HMGB1: variants seen among roughly 807,000 people sequenced by gnomAD.
HMGB1 encodes the protein high mobility group protein B1.
For synonymous variants in HMGB1, 81 were observed against 84.0 expected (o/e 0.96, Z 0.19); for missense variants, 79 against 253.5 (o/e 0.31, Z 4.67).
At chr13:30,510,123 G>A (rs531688610) in intron 1 of HMGB1, among the ~76,000 whole-genome samples, 1 of 152,314 alleles carries the variant, frequency 6.6e-6, no homozygotes, top group Admixed American at 6.5e-5. Context: ...CTCCTGCTCA[G>A]GCCGGGCACC....
chr13:30,520,439 G>A (rs965405955), intron 1 of HMGB1, among the ~76,000 whole-genome samples: 6 of 152,008 alleles, frequency 3.9e-5, no homozygotes, highest in African/African-American at 1.5e-4. Flanking sequence ...GGCCAACATG[G>A]TGAAACCCTG....
intron 1 of HMGB1, among the ~76,000 whole-genome samples, chr13:30,605,863 T>C (rs1273727673): frequency 6.6e-6 from 1 of 152,232 alleles, no homozygotes; most frequent in Non-Finnish European, 1.5e-5. Context: ...TTTCCCTGTA[T>C]GTACTGTGTA....
chr13:30,510,779 G>A (rs957827419), intron 1 of HMGB1, among the ~76,000 whole-genome samples: 5 of 152,074 alleles, frequency 3.3e-5, no homozygotes, highest in South Asian at 2.1e-4. Flanking sequence ...ACAGCATCTC[G>A]CACAATCTTG....
chr13:30,542,746 G>C (rs1439266659), intron 1 of HMGB1: 3 of 217,248 alleles, frequency 1.4e-5, no homozygotes, highest in Non-Finnish European at 2.9e-5. Flanking sequence ...ACTCCACAGG[G>C]GCACAGTCTG....
chr13:30,556,049 G>A (rs1415410879), intron 1 of HMGB1, among the ~76,000 whole-genome samples: 1 of 152,232 alleles, frequency 6.6e-6, no homozygotes, highest in East Asian at 1.9e-4. Flanking sequence ...TTTGGAAGCT[G>A]CTGCCACAAT....
At chr13:30,579,322 G>GGCA (rs1870799070) in intron 1 of HMGB1, among the ~76,000 whole-genome samples, 1 of 152,040 alleles carries the variant, frequency 6.6e-6, no homozygotes, top group Non-Finnish European at 1.5e-5. Flanking sequence ...AAAATCACAG[G>GGCA]GCACAATTTT....
intron 1 of HMGB1, among the ~76,000 whole-genome samples, chr13:30,572,860 C>T (rs1870492992): frequency 6.6e-6 from 1 of 152,172 alleles, no homozygotes; most frequent in South Asian, 2.1e-4. Flanking sequence ...GCAAGCCTCC[C>T]ACACTCTTGG....
chr13:30,576,130 A>G (rs1164977150), intron 1 of HMGB1, among the ~76,000 whole-genome samples: 2 of 152,202 alleles, frequency 1.3e-5, no homozygotes, highest in Non-Finnish European at 2.9e-5. Context: ...GCATATACAA[A>G]TAAAATTTGA....
chr13:30,611,933 T>A (rs1950516629), intron 1 of HMGB1, among the ~76,000 whole-genome samples: 1 of 151,988 alleles, frequency 6.6e-6, no homozygotes, highest in South Asian at 2.1e-4. Context: ...ACGTCTGAAC[T>A]AACAAACATG....
chr13:30,474,959 GTTTTTTTTTTTTTTTTTTT>G (rs776923842), intron 1 of HMGB1, among the ~76,000 whole-genome samples: 8 of 64,050 alleles, frequency 1.2e-4, no homozygotes, highest in Admixed American at 2.4e-4. Flanking sequence ...TTCTTTTTTT[GTTTTTTTTTTTTTTTTTTT>G]TTTGAGACAG....
At chr13:30,506,424 G>A (rs776694749) in intron 1 of HMGB1, among the ~76,000 whole-genome samples, 5 of 152,094 alleles carry the variant, frequency 3.3e-5, no homozygotes, top group South Asian at 2.1e-4. Flanking sequence ...CCTCTTAACC[G>A]ATGACTGAGC....
At chr13:30,486,789 A>G (rs761604231) in intron 1 of HMGB1, among the ~76,000 whole-genome samples, 8 of 152,086 alleles carry the variant, frequency 5.3e-5, no homozygotes, top group Non-Finnish European at 1.0e-4. Flanking sequence ...TCTGAGAAAG[A>G]GCAAGCTTGA....
chr13:30,576,771 T>A (rs1870674396), intron 1 of HMGB1, among the ~76,000 whole-genome samples: 1 of 151,994 alleles, frequency 6.6e-6, no homozygotes, highest in African/African-American at 2.4e-5. Context: ...CCCCACAGGC[T>A]TGCCCCTCCT....
At chr13:30,486,411 C>CT (rs1399630674) in intron 1 of HMGB1, among the ~76,000 whole-genome samples, 1 of 152,146 alleles carries the variant, frequency 6.6e-6, no homozygotes, top group Non-Finnish European at 1.5e-5. Flanking sequence ...TTTGCCGGCT[C>CT]TGGGGGAGAG....
At chr13:30,573,812 A>G (rs538794058) in intron 1 of HMGB1, among the ~76,000 whole-genome samples, 1 of 152,258 alleles carries the variant, frequency 6.6e-6, no homozygotes, top group South Asian at 2.1e-4. Context: ...CAACACGTCC[A>G]GCTAATTTTT....
intron 1 of HMGB1, among the ~76,000 whole-genome samples, chr13:30,493,397 T>C (rs900949048): frequency 6.6e-6 from 1 of 152,164 alleles, no homozygotes; most frequent in African/African-American, 2.4e-5. Flanking sequence ...GGCAGAAAGC[T>C]CAGTTGTTTT....
chr13:30,500,937 T>C (rs1211960623), intron 1 of HMGB1, among the ~76,000 whole-genome samples: 1 of 151,998 alleles, frequency 6.6e-6, no homozygotes, highest in Admixed American at 6.6e-5. Context: ...CCTCCCAAAG[T>C]GCTGGGATTA....
intron 1 of HMGB1, among the ~76,000 whole-genome samples, chr13:30,544,188 C>T (rs1869040174): frequency 6.6e-6 from 1 of 152,236 alleles, no homozygotes; most frequent in African/African-American, 2.4e-5. Context: ...ACCAACCACT[C>T]CTCACCTCAG....
intron 1 of HMGB1, among the ~76,000 whole-genome samples, chr13:30,490,698 G>A (rs972602640): frequency 2.0e-5 from 3 of 151,706 alleles, no homozygotes; most frequent in African/African-American, 7.3e-5. Flanking sequence ...TGGGAGGATC[G>A]CTTAAGCCCA....
Sources: gnomAD v4.1 joint callset for allele counts (sites outside exome capture counted in the v4.1 genomes callset) on GRCh38, gnomAD v4.1.1 for gene constraint, MANE v1.5 for transcripts, NCBI Gene and HGNC (gene_info 2026-07-23, HGNC 2026-07-21) for gene names.